ZSWIM6: variants seen among roughly 807,000 people sequenced by gnomAD.
ZSWIM6 encodes zinc finger SWIM-type containing 6.
Under a neutral mutation model 113.2 loss-of-function variants are expected in ZSWIM6, and 9 were observed. The observed-to-expected ratio is 0.08, with a 90% CI of 0.05 to 0.14. The LOEUF is 0.14. ZSWIM6 is among the 10% of genes least tolerant of loss of function. The probability of loss-of-function intolerance (pLI) is 1.00; values close to 1 mark genes in which losing one functional copy is unlikely to be tolerated. For missense variants in ZSWIM6, 1,162 were observed against 1,552.2 expected (o/e 0.75, Z 4.22); for synonymous variants, 611 against 606.5 (o/e 1.01, Z -0.11).
At chr5:61,484,923 T>A (rs1747975293) in intron 2 of ZSWIM6, among the ~76,000 whole-genome samples, 1 of 152,170 alleles carries the variant, frequency 6.6e-6, no homozygotes, top group African/African-American at 2.4e-5. Flanking sequence ...TGGAACCTAT[T>A]TCTCCTGTAG....
chr5:61,501,745 TATCAAGAATCG>T (rs1357579930), intron 4 of ZSWIM6, among the ~76,000 whole-genome samples: 3 of 152,236 alleles, frequency 2.0e-5, no homozygotes, highest in Non-Finnish European at 4.4e-5. Context: ...GCTTTATTTG[TATCAAGAATCG>T]ATTCCAGTTA....
intron 1 of ZSWIM6, among the ~76,000 whole-genome samples, chr5:61,465,981 A>G (rs1199724622): frequency 1.3e-5 from 2 of 152,234 alleles, no homozygotes; most frequent in African/African-American, 2.4e-5. Context: ...GCCAGCTCAC[A>G]GGATGCAGTC....
At chr5:61,435,043 T>C (rs6885005) in intron 1 of ZSWIM6, among the ~76,000 whole-genome samples, 1 of 151,902 alleles carries the variant, frequency 6.6e-6, no homozygotes, top group African/African-American at 2.4e-5. Flanking sequence ...CCGAGAGATA[T>C]AGTACCTGTG....
intron 3 of ZSWIM6, among the ~76,000 whole-genome samples, chr5:61,493,122 TAA>T (rs1404917836): frequency 6.6e-6 from 1 of 152,124 alleles, no homozygotes; most frequent in East Asian, 1.9e-4. Context: ...GGACAAAACT[TAA>T]AGTTCCAACT....
At chr5:61,542,054 T>G in intron 13 of ZSWIM6, 89 bp downstream of exon 13, 2 of 1,221,666 alleles carry the variant, frequency 1.6e-6, no homozygotes, top group East Asian at 5.2e-5. Flanking sequence ...TATTCACTCT[T>G]TTATGTTGAC....
At chr5:61,525,142 G>A (rs1749242862) in intron 5 of ZSWIM6, among the ~76,000 whole-genome samples, 1 of 152,208 alleles carries the variant, frequency 6.6e-6, no homozygotes, top group Admixed American at 6.5e-5. Context: ...AGCCTGTAGG[G>A]GCAAGGTAAG....
chr5:61,398,677 A>G (rs1287912336), intron 1 of ZSWIM6, among the ~76,000 whole-genome samples: 1 of 152,200 alleles, frequency 6.6e-6, no homozygotes, highest in African/African-American at 2.4e-5. Context: ...TGCATAGCAC[A>G]GTATTGTGGT....
intron 12 of ZSWIM6, among the ~76,000 whole-genome samples, chr5:61,540,410 TC>T (rs1749696941): frequency 6.6e-6 from 1 of 152,186 alleles, no homozygotes. Context: ...TTTGCTTTCT[TC>T]CCATTAAAAA....
At chr5:61,423,493 A>G (rs1349009103) in intron 1 of ZSWIM6, among the ~76,000 whole-genome samples, 1 of 152,094 alleles carries the variant, frequency 6.6e-6, no homozygotes, top group African/African-American at 2.4e-5. Context: ...GTCACTGATA[A>G]TTAAGAAGCA....
intron 2 of ZSWIM6, among the ~76,000 whole-genome samples, chr5:61,475,523 A>C (rs1747688453): frequency 6.6e-6 from 1 of 152,184 alleles, no homozygotes; most frequent in African/African-American, 2.4e-5. Context: ...ATGATTTCCT[A>C]ATAACTTGTG....
intron 1 of ZSWIM6, among the ~76,000 whole-genome samples, chr5:61,386,834 T>G (rs1745600316): frequency 6.6e-6 from 1 of 152,210 alleles, no homozygotes. Context: ...AAAGATGTTT[T>G]TCATACTTTT....
At chr5:61,427,636 G>A (rs1409212158) in intron 1 of ZSWIM6, among the ~76,000 whole-genome samples, 5 of 152,008 alleles carry the variant, frequency 3.3e-5, no homozygotes, top group African/African-American at 9.7e-5. Context: ...AAGCCACTGT[G>A]CCTCGTTAAT....
At chr5:61,499,701 C>G (rs1050641606) in intron 4 of ZSWIM6, among the ~76,000 whole-genome samples, 4 of 152,080 alleles carry the variant, frequency 2.6e-5, no homozygotes, top group African/African-American at 9.7e-5. Context: ...GAGTAGAGAG[C>G]CTTCAAACTC....
intron 1 of ZSWIM6, among the ~76,000 whole-genome samples, chr5:61,380,282 G>A (rs1745448439): frequency 6.6e-6 from 1 of 152,070 alleles, no homozygotes; most frequent in Admixed American, 6.6e-5. Flanking sequence ...CGCCCTGTTG[G>A]CCAGGCTGGT....
chr5:61,530,285 T>C, intron 8 of ZSWIM6, 87 bp downstream of exon 8: 1 of 1,354,150 alleles, frequency 7.4e-7, no homozygotes, highest in Non-Finnish European at 9.8e-7. Flanking sequence ...CATTATGTTT[T>C]ATGGAACCAT....
intron 1 of ZSWIM6, among the ~76,000 whole-genome samples, chr5:61,401,244 G>A (rs1745935205): frequency 6.6e-6 from 1 of 152,068 alleles, no homozygotes; most frequent in Admixed American, 6.5e-5. Context: ...TGGTGGTGCT[G>A]GTGGAGCAAC....
rs1561262720 is a variant in ZSWIM6, at chr5:61,494,379, T to G, written c.1302T>G (p.Thr434=). Residue 434 remains threonine (T), a synonymous_variant, in exon 4 of 14, where the codon ACT becomes ACG. Coordinates refer to ENST00000252744, the MANE Select transcript of ZSWIM6 (RefSeq NM_020928.2). ...SLWRQQGTAM[T]DKYRQLWDEL... ...GGCGGCAACAAGGCACTGCAATGAC[T>G]GACAAATACAGGCAGCTCTGGGATG... 2 of 1,550,982 alleles carry G rather than the reference T, an allele frequency of 1.3e-6. No individual in the cohort carries two copies. Among genetic ancestry groups the G allele is most frequent in the African/African-American group, 1.4e-5 (1 of 72,996 alleles).
intron 1 of ZSWIM6, among the ~76,000 whole-genome samples, chr5:61,420,483 A>G (rs1381298716): frequency 6.6e-6 from 1 of 150,722 alleles, no homozygotes; most frequent in Non-Finnish European, 1.5e-5. Flanking sequence ...TTTTTTTACC[A>G]GAACACAATT....
At chr5:61,450,381 G>A (rs994907092) in intron 1 of ZSWIM6, among the ~76,000 whole-genome samples, 2 of 152,178 alleles carry the variant, frequency 1.3e-5, no homozygotes, top group African/African-American at 4.8e-5. Flanking sequence ...CATTCTGCTG[G>A]GAAAGGGAAG....
Sources: allele counts gnomAD v4.1 joint callset (sites outside exome capture counted in the v4.1 genomes callset), GRCh38; gene constraint gnomAD v4.1.1; transcripts MANE v1.5; gene names NCBI Gene and HGNC (gene_info 2026-07-23, HGNC 2026-07-21).